The following NXPE2 variants were observed in gnomAD, a reference collection of about 807,000 sequenced individuals.
The protein encoded by NXPE2 is neurexophilin and PC-esterase domain family member 2.
NXPE2 carries 34 observed loss-of-function variants against 34.4 expected under a neutral mutation model. The observed-to-expected ratio is 0.99, with a 90% CI of 0.75 to 1.31. NXPE2 has a LOEUF of 1.31. Ranked by LOEUF, NXPE2 falls within the 40% of genes most tolerant of loss-of-function variation. The pLI, the probability that NXPE2 is intolerant of heterozygous loss-of-function variation, is 0.00. For synonymous variants in NXPE2, 235 were observed against 231.3 expected, an observed-to-expected ratio of 1.02 and a Z score of -0.15; for missense variants, 649 against 672.5, an observed-to-expected ratio of 0.97 and a Z score of 0.39.
At chr11:114,505,318 G>A in the NXPE2 span, among the ~76,000 whole-genome samples, 1 of 152,172 alleles carries the variant, frequency 6.6e-6, no homozygotes, top group Non-Finnish European at 1.5e-5. Flanking sequence ...TATCAGCCAT[G>A]AGAACTTCCC....
the NXPE2 span, among the ~76,000 whole-genome samples, chr11:114,558,732 G>T: frequency 6.6e-6 from 1 of 152,148 alleles, no homozygotes; most frequent in Non-Finnish European, 1.5e-5. Context: ...TGCTATGTAA[G>T]AGTACAAATT....
chr11:114,587,380 G>A, the NXPE2 span, among the ~76,000 whole-genome samples: 1 of 152,168 alleles, frequency 6.6e-6, no homozygotes, highest in Non-Finnish European at 1.5e-5. Context: ...CTTTAGTACA[G>A]GACATAATAG....
the NXPE2 span, among the ~76,000 whole-genome samples, chr11:114,746,699 C>A: frequency 6.6e-6 from 1 of 152,010 alleles, no homozygotes; most frequent in East Asian, 1.9e-4. Flanking sequence ...AAAATACAAA[C>A]AATTAGCTGG....
the NXPE2 span, among the ~76,000 whole-genome samples, chr11:114,807,420 C>G: frequency 1.3e-5 from 2 of 152,072 alleles, no homozygotes; most frequent in Non-Finnish European, 2.9e-5. Flanking sequence ...AGTCAAGACC[C>G]ATCAGTGTGC....
the NXPE2 span, among the ~76,000 whole-genome samples, chr11:114,564,960 T>A: frequency 6.6e-6 from 1 of 152,090 alleles, no homozygotes; most frequent in Non-Finnish European, 1.5e-5. Flanking sequence ...CAGGAAAAAA[T>A]CTTATTCATC....
At chr11:114,571,174 C>G in the NXPE2 span, 4 of 1,613,836 alleles carry the variant, frequency 2.5e-6, no homozygotes, top group Non-Finnish European at 3.4e-6. Flanking sequence ...ACCATAGTGT[C>G]TGGGCTTCTC....
chr11:114,565,428 A>T, the NXPE2 span, among the ~76,000 whole-genome samples: 1 of 152,224 alleles, frequency 6.6e-6, no homozygotes, highest in African/African-American at 2.4e-5. Flanking sequence ...CATATGCTAG[A>T]CGTAGTTCCT....
the NXPE2 span, among the ~76,000 whole-genome samples, chr11:114,668,969 C>G: frequency 1.3e-5 from 2 of 152,086 alleles, no homozygotes; most frequent in African/African-American, 4.8e-5. Context: ...TAACTTGGGG[C>G]TGCTCCCATT....
chr11:114,791,194 A>G, the NXPE2 span, among the ~76,000 whole-genome samples: 1 of 151,772 alleles, frequency 6.6e-6, no homozygotes, highest in Middle Eastern at 3.4e-3. Flanking sequence ...AAAAAAAAAA[A>G]GGGTGAGAGA....
chr11:114,666,949 A>C, the NXPE2 span, among the ~76,000 whole-genome samples: 1 of 152,264 alleles, frequency 6.6e-6, no homozygotes, highest in South Asian at 2.1e-4. Context: ...ACATCCACAC[A>C]CATATGTCCA....
chr11:114,551,257 C>A, the NXPE2 span: 1 of 1,318,114 alleles, frequency 7.6e-7, no homozygotes, highest in Non-Finnish European at 1.0e-6. Context: ...GTGAATCTCT[C>A]TGTACTCACT....
the NXPE2 span, chr11:114,554,149 C>G: frequency 1.1e-5 from 11 of 985,290 alleles, no homozygotes; most frequent in South Asian, 4.7e-5. Context: ...AGGATTGAAT[C>G]AATGTACAGA....
the NXPE2 span, among the ~76,000 whole-genome samples, chr11:114,740,071 C>T: frequency 2.0e-5 from 3 of 151,988 alleles, no homozygotes; most frequent in African/African-American, 7.3e-5. Flanking sequence ...ACATAATTGC[C>T]TATGATAAAG....
the NXPE2 span, among the ~76,000 whole-genome samples, chr11:114,724,909 T>TA: frequency 1.5e-4 from 16 of 109,080 alleles, no homozygotes; most frequent in African/African-American, 5.1e-4. Flanking sequence ...TTTTTTTTTT[T>TA]AATGATAACA....
At chr11:114,471,955 G>A in the NXPE2 span, among the ~76,000 whole-genome samples, 2 of 152,074 alleles carry the variant, frequency 1.3e-5, no homozygotes, top group Admixed American at 1.3e-4. Flanking sequence ...CAAAATTAGG[G>A]GTAACTCCCA....
the NXPE2 span, among the ~76,000 whole-genome samples, chr11:114,772,038 C>T: frequency 1.4e-4 from 21 of 152,294 alleles, 1 homozygote; most frequent in African/African-American, 4.1e-4. Context: ...CCTTTATCTT[C>T]GAAGACAGTG....
the NXPE2 span, among the ~76,000 whole-genome samples, chr11:114,586,399 C>G: frequency 3.9e-5 from 6 of 152,082 alleles, no homozygotes; most frequent in African/African-American, 1.4e-4. Context: ...GAAGTGGACC[C>G]CAACTCCTTC....
intron 4 of NXPE2, 122 bp from the exon 5 acceptor site, chr11:114,705,659 C>A: frequency 5.4e-6 from 3 of 558,002 alleles, no homozygotes; most frequent in Non-Finnish European, 6.2e-6. Flanking sequence ...GAGAGGAAGG[C>A]AAAATAGAGC....
At chr11:114,558,604 A>G in the NXPE2 span, among the ~76,000 whole-genome samples, 1 of 152,176 alleles carries the variant, frequency 6.6e-6, no homozygotes, top group South Asian at 2.1e-4. Flanking sequence ...TTAAACTTTT[A>G]TGTTTAAATG....
Sources: allele counts gnomAD v4.1 joint callset (sites outside exome capture counted in the v4.1 genomes callset), GRCh38; gene constraint gnomAD v4.1.1; transcripts MANE v1.5; gene names NCBI Gene and HGNC (gene_info 2026-07-23, HGNC 2026-07-21).